DLC1: variants seen among roughly 807,000 people sequenced by gnomAD.
The protein encoded by DLC1 is rho GTPase-activating protein 7.
In DLC1, 54 loss-of-function variants were observed where a neutral mutation model predicts 140.3. The ratio of observed to expected loss-of-function variants is 0.38; its 90% CI spans 0.31 to 0.48. DLC1 has a LOEUF of 0.48. DLC1 is among the 20% of genes least tolerant of loss of function. The pLI is 0.96. For missense variants in DLC1, 2,536 were observed against 1,907.0 expected (o/e 1.33, Z -6.14); for synonymous variants, 986 against 728.1 (o/e 1.35, Z -5.70).
At chr8:13,125,247 G>A (rs929269094) in intron 5 of DLC1, among the ~76,000 whole-genome samples, 2 of 152,056 alleles carry the variant, frequency 1.3e-5, no homozygotes, top group African/African-American at 4.8e-5. Flanking sequence ...AAAGTGCTGG[G>A]ATTACAGGCA....
chr8:13,357,095 C>G (rs1384392381), intron 4 of DLC1, among the ~76,000 whole-genome samples: 1 of 151,938 alleles, frequency 6.6e-6, no homozygotes, highest in Non-Finnish European at 1.5e-5. Context: ...ATAACAAAAC[C>G]CCATTTCTAC....
chr8:13,084,533 G>C lies in DLC1; in HGVS notation c.*1278C>G, dbSNP rs1263700156. 1 of 150,494 alleles carries C rather than the reference G, an allele frequency of 6.6e-6. No homozygotes were observed. Among genetic ancestry groups the C allele is most frequent in the African/African-American group, 2.5e-5 (1 of 40,784 alleles). 9.3% of individuals were successfully genotyped at this position (150,494 alleles called of 1,614,324 possible). Reference sequence around the variant, plus strand: ...TAAAAAACTTCACTGGTTTGGGTTGGTTTTCTTCTTGTTGCGTTTTACTAT... The same window carrying C: ...TAAAAAACTTCACTGGTTTGGGTTGCTTTTCTTCTTGTTGCGTTTTACTAT... On this transcript the variant is annotated 3_prime_UTR_variant, in exon 18 of 18. Coordinates refer to ENST00000276297, the MANE Select transcript of DLC1 (RefSeq NM_182643.3).
At chr8:13,588,969 C>T (rs981965052) in intron 1 of DLC1, among the ~76,000 whole-genome samples, 1 of 152,068 alleles carries the variant, frequency 6.6e-6, no homozygotes, top group African/African-American at 2.4e-5. Flanking sequence ...AGTCAGATTG[C>T]CCTCACATTC....
chr8:13,267,729 A>AGT (rs58701617), intron 5 of DLC1, among the ~76,000 whole-genome samples: 1,448 of 140,474 alleles, frequency 0.01, 11 homozygotes, highest in Middle Eastern at 0.032. Context: ...ATTCCTGAGG[A>AGT]GTGTGTGTGT....
intron 6 of DLC1, among the ~76,000 whole-genome samples, chr8:13,115,381 C>T (rs114330289): frequency 1.3e-5 from 2 of 152,094 alleles, no homozygotes; most frequent in East Asian, 3.9e-4. Context: ...GAGTGGCAGG[C>T]AGCAGATGGG....
At chr8:13,152,005 T>C (rs766547949) in intron 5 of DLC1, among the ~76,000 whole-genome samples, 3 of 152,234 alleles carry the variant, frequency 2.0e-5, no homozygotes, top group Non-Finnish European at 2.9e-5. Context: ...GTTCTATCTA[T>C]TGCTGTGTCA....
chr8:13,492,130 A>G (rs1357464185), intron 2 of DLC1, among the ~76,000 whole-genome samples: 1 of 152,188 alleles, frequency 6.6e-6, no homozygotes, highest in African/African-American at 2.4e-5. Context: ...AACTGGGGAA[A>G]TTAAACACCC....
intron 1 of DLC1, among the ~76,000 whole-genome samples, chr8:13,537,513 G>A (rs543386404): frequency 1.5e-4 from 23 of 152,272 alleles, no homozygotes; most frequent in Admixed American, 1.4e-3. Context: ...TAAGGTTTCA[G>A]TGTAAAAGCT....
chr8:13,462,385 C>A lies in DLC1; in HGVS notation c.1023+36664G>T, dbSNP rs182311963. Among the ~76,000 whole-genome samples, 17 of 151,530 alleles carry A rather than the reference C, an allele frequency of 1.1e-4. No homozygotes were observed. The East Asian group carries it at 3.3e-3, about 29-fold the overall frequency. ...TATCCTGAACAAGAGGAATAAAATA[C>A]CATTACTATTCTTTTTTTTTTTTTT... On this transcript the variant is annotated intron_variant, in intron 2 of 17. Coordinates refer to ENST00000276297, the MANE Select transcript of DLC1 (RefSeq NM_182643.3).
chr8:13,579,356 TATATA>T lies in DLC1; in HGVS notation c.-126+25176_-126+25180del, dbSNP rs1236410340. Among the ~76,000 whole-genome samples, 7 of 30,388 alleles carry T rather than the reference TATATA, an allele frequency of 2.3e-4. 1 individual carries two copies. Among genetic ancestry groups the T allele is most frequent in the African/African-American group, 3.2e-4 (2 of 6,288 alleles). The allele number at this position is 30,388 out of a possible 152,430, so 19.9% of individuals were successfully genotyped here. A position where few individuals can be genotyped will look rare whatever the true frequency, so the allele number is the denominator to read the frequency against. ...ATATATATATATATATATATATATA[TATATA>T]TTTTTATATAATACATATTTATATA... On this transcript the variant is annotated intron_variant, in intron 1 of 1. Transcript: ENST00000631382.
chr8:13,592,635 T>C (rs1805553561), intron 1 of DLC1, among the ~76,000 whole-genome samples: 1 of 152,100 alleles, frequency 6.6e-6, no homozygotes. Flanking sequence ...CTTGGATAGC[T>C]AATCTGGGGC....
intron 5 of DLC1, among the ~76,000 whole-genome samples, chr8:13,237,328 GTATA>G (rs111262176): frequency 6.9e-6 from 1 of 145,278 alleles, no homozygotes; most frequent in African/African-American, 2.5e-5. Flanking sequence ...CAGCTTCTGT[GTATA>G]TATATATATA....
At chr8:13,415,694 C>G (rs927289873) in intron 2 of DLC1, among the ~76,000 whole-genome samples, 1 of 152,028 alleles carries the variant, frequency 6.6e-6, no homozygotes, top group East Asian at 1.9e-4. Context: ...CCACTGCAAC[C>G]GGCTGATTTA....
intron 1 of DLC1, chr8:13,568,010 G>A (rs1455141305): frequency 1.4e-6 from 2 of 1,457,920 alleles, no homozygotes; most frequent in Non-Finnish European, 9.1e-7. Flanking sequence ...ACAGGCACTT[G>A]GGAAACTAAC....
intron 5 of DLC1, among the ~76,000 whole-genome samples, chr8:13,222,814 G>A (rs1828620702): frequency 6.6e-6 from 1 of 152,100 alleles, no homozygotes; most frequent in African/African-American, 2.4e-5. Context: ...TGCAATCATA[G>A]CTCACTGTAG....
intron 2 of DLC1, among the ~76,000 whole-genome samples, chr8:13,443,672 A>AAG (rs1215256339): frequency 6.6e-6 from 1 of 151,570 alleles, no homozygotes; most frequent in Non-Finnish European, 1.5e-5. Flanking sequence ...AAAAAAAAAA[A>AAG]AAAGAAAAAG....
intron 5 of DLC1, among the ~76,000 whole-genome samples, chr8:13,196,095 TAC>T (rs59429334): frequency 0.099 from 14,570 of 146,984 alleles, 720 homozygotes; most frequent in South Asian, 0.13. Flanking sequence ...TCTGTATTGA[TAC>T]ACACACACAC....
chr8:13,555,454 G>T (rs1475555218), intron 1 of DLC1, among the ~76,000 whole-genome samples: 4 of 152,004 alleles, frequency 2.6e-5, no homozygotes, highest in Non-Finnish European at 5.9e-5. Flanking sequence ...AAATGAATAG[G>T]TGGCTTTCAT....
At chr8:13,352,879 C>G (rs1834739326) in intron 4 of DLC1, among the ~76,000 whole-genome samples, 1 of 151,918 alleles carries the variant, frequency 6.6e-6, no homozygotes, top group East Asian at 1.9e-4. Context: ...TTTTAAAATA[C>G]CCAAGTAATA....
Sources: gnomAD v4.1 joint callset for allele counts (sites outside exome capture counted in the v4.1 genomes callset) on GRCh38, gnomAD v4.1.1 for gene constraint, MANE v1.5 for transcripts, NCBI Gene and HGNC (gene_info 2026-07-23, HGNC 2026-07-21) for gene names.